Variants in BRAP observed in about 807,000 individuals in gnomAD.
The protein encoded by BRAP is BRCA1-associated protein.
In BRAP, 42 loss-of-function variants were observed where a neutral mutation model predicts 73.4. That is an observed-to-expected ratio of 0.57 (90% CI 0.45 to 0.74). BRAP has a LOEUF of 0.74. Among genes scored for constraint, BRAP ranks in the 30% least tolerant of loss-of-function variants. The pLI, the probability that BRAP is intolerant of heterozygous loss-of-function variation, is 0.00. For missense variants in BRAP, 593 were observed against 751.4 expected, an observed-to-expected ratio of 0.79 and a Z score of 2.46; for synonymous variants, 255 against 267.4, an observed-to-expected ratio of 0.95 and a Z score of 0.45.
At chr12:111,661,417 C>A (rs1361218918) in intron 6 of BRAP, among the ~76,000 whole-genome samples, 3 of 151,200 alleles carry the variant, frequency 2.0e-5, no homozygotes. Context: ...GTAGCTGGGA[C>A]TACAGGCATG....
intron 6 of BRAP, among the ~76,000 whole-genome samples, chr12:111,662,278 C>T (rs915182918): frequency 5.3e-5 from 8 of 152,264 alleles, no homozygotes; most frequent in South Asian, 2.1e-4. Context: ...TGGCTAGGCG[C>T]GGTGGCTCAC....
In BRAP at chr12:111,644,339, T is replaced by C. The variant is rs987478852; in HGVS notation, c.1639A>G (p.Asn547Asp). ...MFYLETQQKI[N>D]HLPAETRQEI... The stretch of plus-strand genomic sequence containing the variant: ...TGCCGGGTCTCGGCAGGCAGATGGT[T>C]GATCTTCTGCTGTGTCTCCAGGTAG... Residue 547 changes from asparagine to aspartate, a missense_variant, in exon 12 of 12, where the codon AAC becomes GAC. This residue lies in a region of BRAP where 79 missense variants were observed against 65.3 expected (regional missense o/e 1.21). Coordinates refer to ENST00000419234, the MANE Select transcript of BRAP (RefSeq NM_006768.5). The C allele has an allele frequency of 1.9e-6, 3 of 1,613,952 alleles. No homozygotes were observed.
intron 4 of BRAP, among the ~76,000 whole-genome samples, chr12:111,677,164 G>A (rs1253367849): frequency 3.3e-5 from 5 of 152,176 alleles, no homozygotes; most frequent in Admixed American, 2.0e-4. Flanking sequence ...TTGTTATAGG[G>A]AACTGTGTGG....
At chr12:111,679,980 G>A (rs1427643156) in intron 3 of BRAP, among the ~76,000 whole-genome samples, 6 of 149,968 alleles carry the variant, frequency 4.0e-5, no homozygotes, top group South Asian at 4.2e-4. Flanking sequence ...CTAAATATAC[G>A]AGAGAATTCT....
intron 4 of BRAP, among the ~76,000 whole-genome samples, chr12:111,677,311 G>C (rs538974890): frequency 6.6e-6 from 1 of 152,244 alleles, no homozygotes; most frequent in Admixed American, 6.5e-5. Flanking sequence ...TAGTTGTTAA[G>C]TAGAAACTGT....
At chr12:111,644,624 G>T (rs1037490504) in intron 11 of BRAP, 62 bp from the exon 12 acceptor site, 1 of 1,571,418 alleles carries the variant, frequency 6.4e-7, no homozygotes, top group Non-Finnish European at 8.6e-7. Context: ...TCCCCTTTCT[G>T]CTCTGGGATT....
At chr12:111,663,298 A>T (rs1390965072) in intron 6 of BRAP, among the ~76,000 whole-genome samples, 1 of 151,966 alleles carries the variant, frequency 6.6e-6, no homozygotes, top group African/African-American at 2.4e-5. Flanking sequence ...TACTAAAAAT[A>T]TAAAACTAGC....
intron 11 of BRAP, among the ~76,000 whole-genome samples, chr12:111,645,433 G>T (rs1332347589): frequency 6.6e-6 from 1 of 152,128 alleles, no homozygotes; most frequent in Non-Finnish European, 1.5e-5. Flanking sequence ...AAACTATTCT[G>T]TGACTGACGG....
At position 111,659,445 on chromosome 12, in the gene BRAP, G is replaced by C. The variant is rs988953451; in HGVS notation, c.973-100C>G. 3.5e-6 allele frequency: 4 copies of C among 1,154,696 alleles called. No homozygotes were observed. In the Admixed American group the frequency reaches 7.0e-5, roughly 20 times the overall value. 71.5% of individuals were successfully genotyped at this position (1,154,696 alleles called of 1,614,324 possible). A position where few individuals can be genotyped will look rare whatever the true frequency, so the allele number is the denominator to read the frequency against. On this transcript the variant is annotated intron_variant, in intron 7 of 11. Transcript: ENST00000419234. ...GAGGCAGATGGATCACCTGAGGTCAGGAGTTCGAGACCAGCCTGGCCAACA... is the reference window on the plus strand; with the variant it reads ...GAGGCAGATGGATCACCTGAGGTCACGAGTTCGAGACCAGCCTGGCCAACA...
intron 5 of BRAP, among the ~76,000 whole-genome samples, chr12:111,666,683 G>C (rs1487745808): frequency 2.0e-5 from 3 of 152,190 alleles, no homozygotes; most frequent in African/African-American, 7.2e-5. Flanking sequence ...GTCAGGAAAG[G>C]CATTCCTAAG....
chr12:111,673,812 C>T (rs1887269013), intron 4 of BRAP, among the ~76,000 whole-genome samples: 2 of 152,166 alleles, frequency 1.3e-5, no homozygotes, highest in South Asian at 2.1e-4. Context: ...TGTGGACAAA[C>T]AGTCCCTTTG....
intron 5 of BRAP, among the ~76,000 whole-genome samples, chr12:111,670,854 C>T (rs373293291): frequency 5.3e-5 from 8 of 152,036 alleles, no homozygotes; most frequent in African/African-American, 1.9e-4. Context: ...AATCCTAACA[C>T]TTTGGGAGGC....
rs369851257 is a variant in BRAP, at chr12:111,683,127, A to T, written c.244+19T>A. ...GTGTTCACATTACAAAAGAGAGTCCAGGGTTTTAGAAAGCATACCTGGGTT... is the reference window on the plus strand; with the variant it reads ...GTGTTCACATTACAAAAGAGAGTCCTGGGTTTTAGAAAGCATACCTGGGTT... On this transcript the variant is annotated intron_variant, in intron 2 of 11. Transcript: ENST00000419234. 21 of 1,608,016 alleles carry T rather than the reference A, an allele frequency of 1.3e-5. No individual in the cohort carries two copies. Among genetic ancestry groups the T allele is most frequent in the Non-Finnish European group, 1.6e-5 (19 of 1,177,678 alleles).
intron 5 of BRAP, among the ~76,000 whole-genome samples, chr12:111,669,547 A>C (rs989105931): frequency 3.3e-5 from 5 of 152,100 alleles, no homozygotes; most frequent in African/African-American, 1.2e-4. Context: ...TTAATGTGTT[A>C]ATAGTTGTCT....
intron 11 of BRAP, among the ~76,000 whole-genome samples, chr12:111,645,818 G>GT (rs983405749): frequency 1.3e-5 from 2 of 152,000 alleles, no homozygotes; most frequent in Non-Finnish European, 2.9e-5. Flanking sequence ...GTAAGACCCT[G>GT]TCTCTACACA....
At chr12:111,648,843 G>A (rs1054070387) in intron 11 of BRAP, among the ~76,000 whole-genome samples, 1 of 149,342 alleles carries the variant, frequency 6.7e-6, no homozygotes, top group African/African-American at 2.5e-5. Flanking sequence ...GGAGAATGGC[G>A]TGAACCCGGG....
chr12:111,659,100 C>G, intron 8 of BRAP, 107 bp downstream of exon 8: 1 of 1,386,540 alleles, frequency 7.2e-7, no homozygotes, highest in Non-Finnish European at 9.8e-7. Flanking sequence ...GGGTTTGCAA[C>G]AGCTGTCAAA....
intron 11 of BRAP, among the ~76,000 whole-genome samples, chr12:111,646,319 A>G (rs1886110900): frequency 6.6e-6 from 1 of 151,886 alleles, no homozygotes; most frequent in Non-Finnish European, 1.5e-5. Context: ...AAACACTCAC[A>G]CACAAAAACC....
chr12:111,656,982 T>C (rs1485643141), intron 9 of BRAP, among the ~76,000 whole-genome samples: 2 of 152,158 alleles, frequency 1.3e-5, no homozygotes, highest in Non-Finnish European at 2.9e-5. Flanking sequence ...ACTCAAGCGA[T>C]CAAGCCTTGC....
Sources: allele counts gnomAD v4.1 joint callset (sites outside exome capture counted in the v4.1 genomes callset), GRCh38; gene constraint gnomAD v4.1.1; regional missense constraint gnomAD v4.1.1; transcripts MANE v1.5; gene names NCBI Gene and HGNC (gene_info 2026-07-23, HGNC 2026-07-21).